SEMA4G: variants seen among roughly 807,000 people sequenced by gnomAD.
SEMA4G encodes the protein semaphorin 4G, also known as semaphorin-4G.
Under a neutral mutation model 81.2 loss-of-function variants are expected in SEMA4G, and 59 were observed. That is an observed-to-expected ratio of 0.73 (90% CI 0.59 to 0.90). The LOEUF is 0.90. SEMA4G is among the 40% of genes least tolerant of loss of function. The pLI is 0.00. For missense variants in SEMA4G, 952 were observed against 1,102.3 expected (o/e 0.86, Z 1.93); for synonymous variants, 404 against 433.9 (o/e 0.93, Z 0.86).
chr10:100,971,631 G>A (rs1850634585), upstream of SEMA4G, among the ~76,000 whole-genome samples: 1 of 152,184 alleles, frequency 6.6e-6, no homozygotes, highest in South Asian at 2.1e-4. Context: ...GAGATGGAAT[G>A]TATTAGGTCT....
chr10:100,980,223 C>G (rs565104337), exon 10 of SEMA4G: 1 of 1,614,228 alleles, frequency 6.2e-7, no homozygotes, highest in South Asian at 1.1e-5. Context: ...TGGCTCGGCC[C>G]GTTGTGCCCA....
chr10:100,971,601 C>G (rs1391246631), upstream of SEMA4G, among the ~76,000 whole-genome samples: 1 of 152,118 alleles, frequency 6.6e-6, no homozygotes, highest in Non-Finnish European at 1.5e-5. Flanking sequence ...ACCCTCTGGC[C>G]CTGCCTGTGG....
chr10:100,980,404 A>T, intron 10 of SEMA4G, 60 bp downstream of exon 11: 1 of 1,520,842 alleles, frequency 6.6e-7, no homozygotes, highest in Non-Finnish European at 9.1e-7. Flanking sequence ...TTCTGAATCC[A>T]TTAATTCCTG....
At chr10:100,984,245 C>T in exon 14 of SEMA4G, 1 of 1,453,212 alleles carries the variant, frequency 6.9e-7, no homozygotes, top group Non-Finnish European at 9.0e-7. Flanking sequence ...ATACCCTTCT[C>T]CCAACTTTTT....
chr10:100,977,716 C>G (rs1366536028), exon 4 of SEMA4G: 1 of 1,613,810 alleles, frequency 6.2e-7, no homozygotes, highest in South Asian at 1.1e-5. Flanking sequence ...CTTCCAGCCC[C>G]TCTGTGCAGC....
At chr10:100,972,151 A>G (rs1357813009), upstream of SEMA4G, among the ~76,000 whole-genome samples, 1 of 152,222 alleles carries the variant, frequency 6.6e-6, no homozygotes, top group Non-Finnish European at 1.5e-5. Flanking sequence ...GCCCTCCTGC[A>G]TAAGGCACCC....
chr10:100,982,514 C>G (rs750741689), intron 13 of SEMA4G, among the ~76,000 whole-genome samples: 1 of 152,184 alleles, frequency 6.6e-6, no homozygotes, highest in Non-Finnish European at 1.5e-5. Flanking sequence ...GAAGAAGGGC[C>G]GGGCACGGTG....
intron 8 of SEMA4G, among the ~76,000 whole-genome samples, chr10:100,979,550 T>C (rs1215241341): frequency 2.6e-5 from 4 of 151,978 alleles, no homozygotes; most frequent in Non-Finnish European, 1.5e-5. Flanking sequence ...GCCTGGCTAA[T>C]TTTTGTATTT....
rs1201497091 is a variant in SEMA4G at position 100,978,799 on chromosome 10, A to G, written c.644-50A>G. On this transcript the variant is annotated intron_variant, in intron 6 of 13. Transcript: ENST00000370250. ...GAGGGGTCAGCCTCAGAGTGAGGGA[A>G]AGGAATCCCCAGCCTGTCTCAAAAG... 3.8e-6 allele frequency: 6 copies of G among 1,597,944 alleles called. No individual in the cohort carries two copies. The East Asian group carries it at 6.7e-5, about 18-fold the overall frequency.
exon 14 of SEMA4G, chr10:100,984,198 C>G: frequency 1.3e-6 from 2 of 1,527,682 alleles, no homozygotes; most frequent in Non-Finnish European, 1.7e-6. Context: ...CCACTGCCTC[C>G]CTAACACAGC....
chr10:100,984,830 C>T, exon 14 of SEMA4G: 1 of 1,522,224 alleles, frequency 6.6e-7, no homozygotes, highest in Non-Finnish European at 8.8e-7. Context: ...CCCCTCCTCT[C>T]CCTTCCTGTG....
intron 6 of SEMA4G, 95 bp downstream of exon 7, chr10:100,978,735 A>C (rs956079782): frequency 6.4e-6 from 10 of 1,552,942 alleles, no homozygotes; most frequent in Non-Finnish European, 8.8e-6. Flanking sequence ...CCAAATCCCC[A>C]GGTGAGCCTG....
chr10:100,973,480 TTG>T lies in SEMA4G; in HGVS notation c.274-66_274-65del. The T allele has an allele frequency of 2.5e-5, 38 of 1,542,012 alleles. No homozygotes were observed. The highest frequency in any genetic ancestry group is 3.3e-5 in the Non-Finnish European group (37 of 1,118,122). ...ATTTCCCCAACTCTGTGGGGTCCTATTGCCTGGTCCTATGAGTAATAGGTATT... is the reference window on the plus strand; with the variant it reads ...ATTTCCCCAACTCTGTGGGGTCCTATCCTGGTCCTATGAGTAATAGGTATT... On this transcript the variant is annotated intron_variant, in intron 2 of 13. Coordinates refer to ENST00000370250, the Ensembl canonical transcript of SEMA4G. The surrounding 1 kb of genome is among the most constrained non-coding windows in gnomAD (Gnocchi z 5.5).
exon 14 of SEMA4G, chr10:100,983,924 CCCACCGCCA>C: frequency 3.8e-6 from 6 of 1,593,528 alleles, no homozygotes; most frequent in Non-Finnish European, 5.1e-6. Context: ...CCCCACCGCC[CCCACCGCCA>C]CCGGCTGAGC....
intron 4 of SEMA4G, 116 bp downstream of exon 5, chr10:100,977,846 G>C: frequency 1.1e-6 from 1 of 888,154 alleles, no homozygotes; most frequent in South Asian, 1.4e-5. Flanking sequence ...TTTATTAAGG[G>C]GACTTCCATA....
chr10:100,972,874 C>T (rs1224898784), exon 1 of SEMA4G: 1 of 1,577,348 alleles, frequency 6.3e-7, no homozygotes, highest in Non-Finnish European at 8.6e-7. Context: ...GACTCTGGCT[C>T]CCTTTGGGGG....
In SEMA4G at chr10:100,973,775, A is replaced by AT. The variant is rs200303442; in HGVS notation, c.336+179dup. ...CAGAGTGGCAAGCCATGGGCACAGC[A>AT]TTTTTTTTTTTTTCTTTTTTTGAGG... is the stretch of plus-strand genomic sequence containing the variant. On this transcript the variant is annotated intron_variant, in intron 3 of 13. Coordinates refer to ENST00000370250, the Ensembl canonical transcript of SEMA4G. This position sits in a 1 kb window ranked among gnomAD's most constrained non-coding sequence, Gnocchi z 5.5. Among the ~76,000 whole-genome samples, 2,353 of 145,478 alleles carry AT rather than the reference A, an allele frequency of 0.016. 56 individuals carry two copies. The highest frequency in any genetic ancestry group is 0.051 in the African/African-American group (2,024 of 39,874).
chr10:100,984,802 A>T, exon 14 of SEMA4G: 1 of 1,534,846 alleles, frequency 6.5e-7, no homozygotes, highest in Non-Finnish European at 8.7e-7. Flanking sequence ...CAGCCTGGGG[A>T]GGTAAGACTG....
intron 8 of SEMA4G, 115 bp downstream of exon 9, chr10:100,979,386 A>ATTT: frequency 7.5e-6 from 11 of 1,464,784 alleles, no homozygotes; most frequent in South Asian, 7.4e-5. Flanking sequence ...CAAAGTGAGA[A>ATTT]TTTTTTTTTT....
Sources: gnomAD v4.1 joint callset for allele counts (sites outside exome capture counted in the v4.1 genomes callset) on GRCh38, gnomAD v4.1.1 for gene constraint, Gnocchi (gnomAD v3.1) non-coding constraint, MANE v1.5 for transcripts, NCBI Gene and HGNC (gene_info 2026-07-23, HGNC 2026-07-21) for gene names.